SCTR: variants seen among roughly 807,000 people sequenced by gnomAD.
The protein encoded by SCTR is pancreatic secretin receptor.
In SCTR, 56 loss-of-function variants were observed where a neutral mutation model predicts 60.8. The observed-to-expected ratio is 0.92, with a 90% CI of 0.74 to 1.15. The LOEUF (loss-of-function observed/expected upper bound fraction) is 1.15, where lower values mean the gene tolerates loss of function less well. SCTR is among the 50% of genes most tolerant of loss of function. The pLI is 0.00. For synonymous variants in SCTR, 202 were observed against 217.0 expected (o/e 0.93, Z 0.61); for missense variants, 562 against 550.4 (o/e 1.02, Z -0.21).
intron 1 of SCTR, among the ~76,000 whole-genome samples, chr2:119,523,633 G>A (rs1679360962): frequency 6.6e-6 from 1 of 151,894 alleles, no homozygotes; most frequent in Non-Finnish European, 1.5e-5. Context: ...CCGTGAGTGT[G>A]AAAATGTCAA....
intron 1 of SCTR, among the ~76,000 whole-genome samples, chr2:119,508,915 G>A (rs893665409): frequency 5.9e-5 from 9 of 152,138 alleles, no homozygotes; most frequent in East Asian, 3.9e-4. Flanking sequence ...CATCCATTGC[G>A]TCCTCTTGAT....
At chr2:119,495,692 C>A (rs553915569) in intron 1 of SCTR, among the ~76,000 whole-genome samples, 1 of 152,282 alleles carries the variant, frequency 6.6e-6, no homozygotes, top group South Asian at 2.1e-4. Flanking sequence ...ATGTTACCAC[C>A]CTTCACTAGT....
intron 1 of SCTR, among the ~76,000 whole-genome samples, chr2:119,500,727 G>T (rs1678515740): frequency 6.6e-6 from 1 of 152,214 alleles, no homozygotes; most frequent in Non-Finnish European, 1.5e-5. Context: ...GCTGGGAAGG[G>T]TAGGGGAGAA....
intron 7 of SCTR, among the ~76,000 whole-genome samples, chr2:119,455,712 C>T (rs943038380): frequency 5.3e-4 from 80 of 152,098 alleles, no homozygotes; most frequent in African/African-American, 1.8e-3. Flanking sequence ...AAAAGAAATT[C>T]GAACATTAGA....
intron 4 of SCTR, among the ~76,000 whole-genome samples, chr2:119,471,311 T>C (rs777381984): frequency 1.3e-5 from 2 of 152,124 alleles, no homozygotes; most frequent in East Asian, 1.9e-4. Context: ...GCCCCCTCTC[T>C]TCATATAAGT....
chr2:119,479,365 T>G, intron 2 of SCTR: 2 of 804,478 alleles, frequency 2.5e-6, no homozygotes, highest in Non-Finnish European at 3.0e-6. Flanking sequence ...ACAGGGATCC[T>G]GCATGAATTG....
chr2:119,471,202 T>C (rs1164206154), intron 4 of SCTR, among the ~76,000 whole-genome samples: 1 of 152,238 alleles, frequency 6.6e-6, no homozygotes, highest in Admixed American at 6.5e-5. Flanking sequence ...AAATGTGTGT[T>C]ATTTGCAGTA....
intron 1 of SCTR, among the ~76,000 whole-genome samples, chr2:119,518,358 GGAGGCGGGAGGT>G: frequency 1.3e-5 from 2 of 152,184 alleles, no homozygotes; most frequent in African/African-American, 4.8e-5. Flanking sequence ...AACATGAGAG[GGAGGCGGGAGGT>G]GAGAAATTTG....
At chr2:119,465,731 AC>A in intron 5 of SCTR, 57 bp downstream of exon 5, 1 of 1,185,380 alleles carries the variant, frequency 8.4e-7, no homozygotes, top group Non-Finnish European at 1.3e-6. Context: ...TTGAGAAGAG[AC>A]CCAAAGTCTG....
At chr2:119,505,720 G>C (rs148497363) in intron 1 of SCTR, among the ~76,000 whole-genome samples, 17 of 149,920 alleles carry the variant, frequency 1.1e-4, no homozygotes, top group East Asian at 1.0e-3. Flanking sequence ...GTGGCGGGAG[G>C]GGGGAGGGAT....
Position 119,494,532 on chromosome 2 carries a change from C to CG in SCTR, c.88dup (p.Arg30ProfsTer4). On this transcript the variant is annotated frameshift_variant, in exon 2 of 13. Transcript: ENST00000019103. LOFTEE classifies it high-confidence loss of function. ...CAGCACTTGTAGCACGTCACATAGT[C>CG]GGGGAAGGGCTCCAGTCTGCAAGTC... is the stretch of plus-strand genomic sequence containing the variant. 6.2e-7 allele frequency: 1 copy of CG among 1,613,872 alleles called. No individual in the cohort carries two copies.
intron 4 of SCTR, among the ~76,000 whole-genome samples, chr2:119,472,788 C>T (rs564318076): frequency 2.6e-4 from 40 of 152,254 alleles, no homozygotes; most frequent in African/African-American, 8.4e-4. Flanking sequence ...ACTATAGGCA[C>T]GCACCACCAC....
At chr2:119,479,081 C>G in intron 2 of SCTR, 163 bp from the exon 3 acceptor site, 26 of 1,451,110 alleles carry the variant, frequency 1.8e-5, no homozygotes, top group Non-Finnish European at 2.3e-5. Flanking sequence ...CCTATCCTGT[C>G]TAATGCACCC....
At chr2:119,446,254 C>T (rs1249609039) in intron 11 of SCTR, among the ~76,000 whole-genome samples, 1 of 152,254 alleles carries the variant, frequency 6.6e-6, no homozygotes, top group East Asian at 1.9e-4. Flanking sequence ...TCCTCACATG[C>T]GACTGCTCCT....
chr2:119,473,374 C>G, intron 4 of SCTR, 79 bp downstream of exon 4: 1 of 984,068 alleles, frequency 1.0e-6, no homozygotes, highest in Middle Eastern at 2.3e-4. Context: ...TGTCCTCTCC[C>G]AGGGCCTCCT....
At chr2:119,510,160 G>A (rs534935483) in intron 1 of SCTR, among the ~76,000 whole-genome samples, 62 of 113,306 alleles carry the variant, frequency 5.5e-4, no homozygotes, top group South Asian at 2.0e-3. Flanking sequence ...GACAGGCCCC[G>A]TGTATTATGT....
Position 119,464,126 on chromosome 2 carries a change from G to A in SCTR, c.633C>T (p.His211=). The A allele has an allele frequency of 6.2e-7, 1 of 1,614,166 alleles. No homozygotes were observed. Among genetic ancestry groups the A allele is most frequent in the Non-Finnish European group, 8.5e-7 (1 of 1,180,026 alleles). The change falls in exon 6 of 13, where the codon CAC becomes CAT. Residue 211 remains histidine (H), a synonymous_variant. Coordinates refer to ENST00000019103, the MANE Select transcript of SCTR (RefSeq NM_002980.3). ...SSDDVTYCDA[H]RAGCKLVMVL... ...CTGGGGCACCCAGACATATTACCCT[G>A]TGGGCATCGCAGTAGGTGACATCAT...
intron 4 of SCTR, among the ~76,000 whole-genome samples, chr2:119,467,129 C>T (rs976498635): frequency 1.3e-5 from 2 of 152,296 alleles, no homozygotes; most frequent in East Asian, 3.9e-4. Context: ...CCTATAATCC[C>T]TGCACTTTAG....
intron 4 of SCTR, among the ~76,000 whole-genome samples, chr2:119,467,774 C>A (rs768806355): frequency 7.9e-5 from 12 of 151,986 alleles, no homozygotes; most frequent in Non-Finnish European, 1.6e-4. Context: ...CATGGTATAC[C>A]GCTAATAAAA....
Sources: allele counts gnomAD v4.1 joint callset (sites outside exome capture counted in the v4.1 genomes callset), GRCh38; gene constraint gnomAD v4.1.1; transcripts MANE v1.5; gene names NCBI Gene and HGNC (gene_info 2026-07-23, HGNC 2026-07-21).